Variants in RUNX1T1 observed in about 807,000 individuals in gnomAD.
RUNX1T1 encodes the protein protein CBFA2T1.
In RUNX1T1, 4 loss-of-function variants were observed where a neutral mutation model predicts 62.8. That is an observed-to-expected ratio of 0.06 (90% CI 0.03 to 0.15). The LOEUF (loss-of-function observed/expected upper bound fraction) is 0.15. RUNX1T1 is among the 10% of genes least tolerant of loss of function. RUNX1T1 has a pLI of 1.00. For synonymous variants in RUNX1T1, 291 were observed against 286.0 expected (o/e 1.02, Z -0.18); for missense variants, 508 against 754.3 (o/e 0.67, Z 3.82).
upstream of RUNX1T1, among the ~76,000 whole-genome samples, chr8:92,100,921 G>C (rs1268074537): frequency 6.6e-6 from 1 of 152,170 alleles, no homozygotes; most frequent in East Asian, 1.9e-4. Flanking sequence ...TTGTGTGACA[G>C]GAGAAACTGG....
chr8:92,021,043 A>G (rs1452983748), intron 1 of RUNX1T1, among the ~76,000 whole-genome samples: 1 of 152,196 alleles, frequency 6.6e-6, no homozygotes, highest in African/African-American at 2.4e-5. Context: ...TAGGTGGTAC[A>G]TCTTTTTCTA....
intron 10 of RUNX1T1, among the ~76,000 whole-genome samples, chr8:91,961,673 G>A (rs1404878495): frequency 1.3e-5 from 2 of 152,190 alleles, no homozygotes; most frequent in African/African-American, 4.8e-5. Context: ...TGAGTGTGGT[G>A]GGGAGGGGGA....
chr8:92,083,368 A>G (rs1360480997), intron 1 of RUNX1T1, among the ~76,000 whole-genome samples: 1 of 152,210 alleles, frequency 6.6e-6, no homozygotes. Flanking sequence ...AAGGGCTAAT[A>G]TCCAGAATCT....
chr8:92,038,978 A>G (rs1223373215), intron 1 of RUNX1T1, among the ~76,000 whole-genome samples: 1 of 151,970 alleles, frequency 6.6e-6, no homozygotes, highest in African/African-American at 2.4e-5. Flanking sequence ...TTTATTGTAG[A>G]CTATACTGGC....
At chr8:91,975,635 A>G (rs1020656094) in intron 9 of RUNX1T1, among the ~76,000 whole-genome samples, 9 of 152,216 alleles carry the variant, frequency 5.9e-5, no homozygotes, top group African/African-American at 1.9e-4. Flanking sequence ...CCCTGAAAAA[A>G]ATGGAGTTTT....
At chr8:92,053,859 G>C (rs944084350) in intron 1 of RUNX1T1, among the ~76,000 whole-genome samples, 1 of 152,098 alleles carries the variant, frequency 6.6e-6, no homozygotes, top group Non-Finnish European at 1.5e-5. Flanking sequence ...ATTAGAACTA[G>C]AAAATCAAGA....
chr8:91,975,528 A>G (rs1404151575), intron 9 of RUNX1T1, among the ~76,000 whole-genome samples: 1 of 151,228 alleles, frequency 6.6e-6, no homozygotes, highest in Non-Finnish European at 1.5e-5. Context: ...TGAAGTATGC[A>G]ATTTAATTTC....
At position 92,009,462 on chromosome 8, in the gene RUNX1T1, C is replaced by A. The variant is rs374200286; in HGVS notation, c.477+1540G>T. Among the ~76,000 whole-genome samples, 20 of 152,212 alleles carry A rather than the reference C, an allele frequency of 1.3e-4. 2 individuals carry two copies. The East Asian group carries it at 1.5e-3, about 12-fold the overall frequency. On this transcript the variant is annotated intron_variant, in intron 4 of 10. Transcript: ENST00000396218. ...AAGTTATATCTTTGATTCCAATGAT[C>A]CCAACTAAATGATATGGTAACCATA...
chr8:91,975,802 G>A, intron 9 of RUNX1T1, 103 bp downstream of exon 10: 1 of 715,030 alleles, frequency 1.4e-6, no homozygotes. Flanking sequence ...TGCTGTTGTT[G>A]TTGTTAGCAG....
chr8:92,078,915 T>C (rs977709138), intron 1 of RUNX1T1, among the ~76,000 whole-genome samples: 1 of 152,218 alleles, frequency 6.6e-6, no homozygotes, highest in African/African-American at 2.4e-5. Flanking sequence ...TTGAATTCAG[T>C]TAACCTCATA....
intron 1 of RUNX1T1, among the ~76,000 whole-genome samples, chr8:92,025,770 C>G (rs1825018727): frequency 6.6e-6 from 1 of 152,170 alleles, no homozygotes; most frequent in South Asian, 2.1e-4. Context: ...CTATGTATCT[C>G]TTTTTTCCTC....
chr8:92,084,873 C>T (rs1400497403), intron 1 of RUNX1T1, among the ~76,000 whole-genome samples: 2 of 152,126 alleles, frequency 1.3e-5, no homozygotes, highest in African/African-American at 4.8e-5. Flanking sequence ...CCTCATATCC[C>T]CCAGTGTCCA....
intron 1 of RUNX1T1, 191 bp from the exon 3 acceptor site, chr8:92,017,554 T>C (rs1348734035): frequency 3.4e-6 from 5 of 1,461,414 alleles, no homozygotes; most frequent in East Asian, 2.5e-5. Flanking sequence ...ATAGCACAGA[T>C]GGCAGGACCT....
chr8:92,083,401 CAA>C (rs1250682905), intron 1 of RUNX1T1, among the ~76,000 whole-genome samples: 1 of 151,974 alleles, frequency 6.6e-6, no homozygotes, highest in African/African-American at 2.4e-5. Context: ...AACAAATTTA[CAA>C]GAAAAAAACA....
At position 92,093,773 on chromosome 8, in the gene RUNX1T1, T is replaced by C. The variant is rs114965628; in HGVS notation, c.-86+5807A>G. 4.9e-3 allele frequency among the ~76,000 whole-genome samples: 740 copies of C among 152,316 alleles called. 7 individuals carry two copies. The highest frequency in any genetic ancestry group is 0.017 in the African/African-American group (710 of 41,584). On this transcript the variant is annotated intron_variant, in intron 1 of 11. Coordinates refer to the RUNX1T1 transcript ENST00000265814. ...ACCTAAATAGTGACTGACCACTCACTGTAAATAACTCCAGGTAAAGGTAAA... is the reference window on the plus strand; with the variant it reads ...ACCTAAATAGTGACTGACCACTCACCGTAAATAACTCCAGGTAAAGGTAAA...
intron 4 of RUNX1T1, chr8:92,005,742 A>T (rs1296870966): frequency 6.5e-6 from 1 of 153,494 alleles, no homozygotes; most frequent in Non-Finnish European, 1.4e-5. Flanking sequence ...TGACTCACAA[A>T]GGTCAAGCAG....
At chr8:92,057,422 C>T (rs1273840517) in intron 1 of RUNX1T1, among the ~76,000 whole-genome samples, 2 of 152,308 alleles carry the variant, frequency 1.3e-5, no homozygotes, top group East Asian at 1.9e-4. Context: ...GATCTTCAGG[C>T]TTCAAATAGA....
chr8:91,981,404 C>CTTTTTTTTTTTTTTT (rs67366711), intron 8 of RUNX1T1, among the ~76,000 whole-genome samples: 1 of 63,842 alleles, frequency 1.6e-5, no homozygotes, highest in Non-Finnish European at 2.9e-5. Flanking sequence ...AGTTACTAAG[C>CTTTTTTTTTTTTTTT]TTTTTTTTTT....
upstream of RUNX1T1, among the ~76,000 whole-genome samples, chr8:92,067,557 G>A (rs1229740031): frequency 6.6e-6 from 1 of 152,148 alleles, no homozygotes; most frequent in African/African-American, 2.4e-5. Context: ...TAGTCTCTAT[G>A]ATATTCTTTT....
Sources: gnomAD v4.1 joint callset for allele counts (sites outside exome capture counted in the v4.1 genomes callset) on GRCh38, gnomAD v4.1.1 for gene constraint, MANE v1.5 for transcripts, NCBI Gene and HGNC (gene_info 2026-07-23, HGNC 2026-07-21) for gene names.